The following HS3ST4 variants were observed in gnomAD, a reference collection of about 807,000 sequenced individuals.
The protein encoded by HS3ST4 is heparan sulfate glucosamine 3-O-sulfotransferase 4.
In HS3ST4, 17 loss-of-function variants were observed where a neutral mutation model predicts 29.2. That is an observed-to-expected ratio of 0.58 (90% CI 0.40 to 0.87). HS3ST4 has a LOEUF of 0.87. Ranked by LOEUF, HS3ST4 falls within the 40% of genes least tolerant of loss-of-function variation. The pLI is 0.00. For missense variants in HS3ST4, 627 were observed against 634.5 expected, an observed-to-expected ratio of 0.99 and a Z score of 0.13; for synonymous variants, 314 against 285.7, an observed-to-expected ratio of 1.10 and a Z score of -1.00.
intron 1 of HS3ST4, among the ~76,000 whole-genome samples, chr16:25,752,096 G>T (rs907468443): frequency 6.6e-6 from 1 of 151,998 alleles, no homozygotes; most frequent in Admixed American, 6.5e-5. Flanking sequence ...GTGGAGATTG[G>T]ACTAGGAAGG....
At chr16:26,071,492 A>G (rs1898603460) in intron 1 of HS3ST4, among the ~76,000 whole-genome samples, 2 of 152,182 alleles carry the variant, frequency 1.3e-5, no homozygotes, top group South Asian at 4.1e-4. Flanking sequence ...GCATTTTCTG[A>G]GGCTTTGGTT....
In HS3ST4 at chr16:25,915,020, G is replaced by C. The variant is rs72782506; in HGVS notation, c.735-220592G>C. Among the ~76,000 whole-genome samples, 607 of 152,244 alleles carry C rather than the reference G, an allele frequency of 4.0e-3. 3 individuals are homozygous for C. Among genetic ancestry groups the C allele is most frequent in the Non-Finnish European group, 6.0e-3 (407 of 68,014 alleles). On this transcript the variant is annotated intron_variant, in intron 1 of 1. Coordinates refer to ENST00000331351, the MANE Select transcript of HS3ST4 (RefSeq NM_006040.3). The stretch of plus-strand genomic sequence containing the variant: ...TTATGCGGGCTGCGCTGTGCATTGA[G>C]ACAGGTTTAGTAGCCTCTACCGGTT...
At chr16:25,717,510 G>GGTGTGTGTGTGT (rs763190199) in intron 1 of HS3ST4, among the ~76,000 whole-genome samples, 12 of 132,828 alleles carry the variant, frequency 9.0e-5, no homozygotes, top group Admixed American at 1.5e-4. Context: ...AAGGTGAAGG[G>GGTGTGTGTGTGT]GTGTGTGTGT....
In HS3ST4 at chr16:25,692,357, A is replaced by C; in HGVS notation, c.-61A>C. On this transcript the variant is annotated 5_prime_UTR_variant, in exon 1 of 2. An upstream start codon of the reference 5' UTR is lost. Transcript: ENST00000331351. ...GGCGGCGGGGGCGGCGGCTGAAACC[A>C]TGTCCGGGCAGCGCCGGGGGCTGCC... 5.2e-6 allele frequency: 1 copy of C among 193,228 alleles called. No homozygotes were observed. Among genetic ancestry groups the C allele is most frequent in the East Asian group, 2.4e-4 (1 of 4,244 alleles). The allele number at this position is 193,228 out of a possible 1,614,324, so 12.0% of individuals were successfully genotyped here.
At chr16:25,936,066 C>A (rs920216232) in intron 1 of HS3ST4, among the ~76,000 whole-genome samples, 50 of 152,156 alleles carry the variant, frequency 3.3e-4, no homozygotes, top group African/African-American at 1.2e-3. Flanking sequence ...GCCACCACAT[C>A]CAGCCGAAAT....
intron 1 of HS3ST4, among the ~76,000 whole-genome samples, chr16:25,951,295 C>T (rs1968681753): frequency 6.6e-6 from 1 of 152,230 alleles, no homozygotes; most frequent in South Asian, 2.1e-4. Context: ...TGTCTCTGCT[C>T]ATCTTCTGCA....
chr16:25,837,977 A>G (rs1967377186), intron 1 of HS3ST4, among the ~76,000 whole-genome samples: 1 of 151,990 alleles, frequency 6.6e-6, no homozygotes, highest in South Asian at 2.1e-4. Flanking sequence ...TACTGTTGCC[A>G]TCTTGATGTC....
intron 1 of HS3ST4, among the ~76,000 whole-genome samples, chr16:25,765,516 A>G (rs1966812569): frequency 6.6e-6 from 1 of 152,172 alleles, no homozygotes; most frequent in African/African-American, 2.4e-5. Flanking sequence ...TGCATTGGTC[A>G]GAGAGATTCA....
intron 1 of HS3ST4, among the ~76,000 whole-genome samples, chr16:25,977,712 G>A (rs1968957826): frequency 6.6e-6 from 1 of 152,130 alleles, no homozygotes; most frequent in Non-Finnish European, 1.5e-5. Context: ...CAAGATACTT[G>A]GCCTATAAAA....
intron 1 of HS3ST4, among the ~76,000 whole-genome samples, chr16:25,907,080 C>G (rs986294091): frequency 6.6e-6 from 1 of 152,106 alleles, no homozygotes; most frequent in Non-Finnish European, 1.5e-5. Flanking sequence ...GCCTGTAGTC[C>G]TAGCGACTAG....
Position 25,980,163 on chromosome 16 carries a change from T to G in HS3ST4, c.735-155449T>G, listed in dbSNP as rs964375007. ...CTCTTCAATGGCTCTAGGTTGTCTC[T>G]AGGATGAAGTCTGAACCTCCTAGGA... On this transcript the variant is annotated intron_variant, in intron 1 of 1. Transcript: ENST00000331351. Among the ~76,000 whole-genome samples the G allele has an allele frequency of 2.6e-5, 4 of 152,326 alleles. No homozygotes were observed. In the East Asian group the frequency reaches 7.7e-4, roughly 29 times the overall value.
rs112120365 is a variant in HS3ST4 at position 26,064,178 on chromosome 16, C to G, written c.735-71434C>G. Among the ~76,000 whole-genome samples the G allele has an allele frequency of 3.8e-3, 584 of 152,322 alleles. 4 individuals carry two copies. The highest frequency in any genetic ancestry group is 0.013 in the African/African-American group (561 of 41,570). Reference sequence around the variant, plus strand: ...TTAAGAAACCAGCCATTGTTCATCTCTCTCCAATAGATGTCATACAGGAGG... The same window carrying G: ...TTAAGAAACCAGCCATTGTTCATCTGTCTCCAATAGATGTCATACAGGAGG... On this transcript the variant is annotated intron_variant, in intron 1 of 1. Coordinates refer to ENST00000331351, the MANE Select transcript of HS3ST4 (RefSeq NM_006040.3).
chr16:26,090,477 C>G (rs563050494), intron 1 of HS3ST4, among the ~76,000 whole-genome samples: 1 of 152,040 alleles, frequency 6.6e-6, no homozygotes, highest in African/African-American at 2.4e-5. Context: ...CTTTTTATTC[C>G]TGCAGAGGGG....
chr16:25,898,262 G>C (rs1596607036), intron 1 of HS3ST4, among the ~76,000 whole-genome samples: 2 of 152,214 alleles, frequency 1.3e-5, no homozygotes, highest in African/African-American at 2.4e-5. Context: ...CTTTAGTAGT[G>C]CTAATGGCAC....
At chr16:25,800,290 T>C (rs939218064) in intron 1 of HS3ST4, among the ~76,000 whole-genome samples, 21 of 152,148 alleles carry the variant, frequency 1.4e-4, no homozygotes, top group Non-Finnish European at 8.8e-5. Context: ...AATTTTGGCC[T>C]ATTTATGGGA....
At chr16:26,015,337 A>T (rs1166415994) in intron 1 of HS3ST4, among the ~76,000 whole-genome samples, 1 of 152,230 alleles carries the variant, frequency 6.6e-6, no homozygotes, top group Non-Finnish European at 1.5e-5. Context: ...GAAGAAATGC[A>T]GAAGCAGAAT....
rs189516773 is a variant in HS3ST4 at position 25,990,549 on chromosome 16, A to G, written c.735-145063A>G. Among the ~76,000 whole-genome samples, 35 of 152,376 alleles carry G rather than the reference A, an allele frequency of 2.3e-4. 1 individual carries two copies. In the South Asian group the frequency reaches 5.4e-3, roughly 23 times the overall value. Reference sequence around the variant, plus strand: ...ACGAGTGTGAAGATTAAATGACATCATGCACATATTCCAACAGTGCTAATA... The same window carrying G: ...ACGAGTGTGAAGATTAAATGACATCGTGCACATATTCCAACAGTGCTAATA... On this transcript the variant is annotated intron_variant, in intron 1 of 1. Coordinates refer to ENST00000331351, the MANE Select transcript of HS3ST4 (RefSeq NM_006040.3).
At chr16:26,048,692 G>T (rs985417064) in intron 1 of HS3ST4, among the ~76,000 whole-genome samples, 2 of 152,104 alleles carry the variant, frequency 1.3e-5, no homozygotes, top group African/African-American at 2.4e-5. Flanking sequence ...AAATAGCCAG[G>T]TGTGGTGGTG....
At chr16:25,881,045 T>G (rs1967889738) in intron 1 of HS3ST4, among the ~76,000 whole-genome samples, 1 of 152,148 alleles carries the variant, frequency 6.6e-6, no homozygotes, top group African/African-American at 2.4e-5. Context: ...GCTGGCTCCA[T>G]GAGCAGGAGT....
Sources: gnomAD v4.1 joint callset for allele counts (sites outside exome capture counted in the v4.1 genomes callset) on GRCh38, gnomAD v4.1.1 for gene constraint, MANE v1.5 for transcripts, NCBI Gene and HGNC (gene_info 2026-07-23, HGNC 2026-07-21) for gene names.